Variants in XKR6 observed in about 807,000 individuals in gnomAD.
XKR6 encodes the protein XK related 6.
In XKR6, 22 loss-of-function variants were observed where a neutral mutation model predicts 56.7. The observed-to-expected ratio is 0.39, with a 90% CI of 0.28 to 0.55. The LOEUF is 0.55. Ranked by LOEUF, XKR6 falls within the 20% of genes least tolerant of loss-of-function variation. XKR6 has a pLI of 0.66. For missense variants in XKR6, 852 were observed against 889.0 expected (o/e 0.96, Z 0.53); for synonymous variants, 524 against 387.8 (o/e 1.35, Z -4.13).
In XKR6 at chr8:10,946,884, G is replaced by A. The variant is rs112571542; in HGVS notation, c.765-22054C>T. 5.7e-3 allele frequency among the ~76,000 whole-genome samples: 864 copies of A among 152,258 alleles called. 6 individuals are homozygous for A. Among genetic ancestry groups the A allele is most frequent in the African/African-American group, 0.019 (808 of 41,536 alleles). The stretch of plus-strand genomic sequence containing the variant: ...GCACTGGAGCTGAGTGCTCAAGGAT[G>A]GGGGAGAGTTCACCAAGCAGCTAAG... On this transcript the variant is annotated intron_variant, in intron 1 of 2. Coordinates refer to ENST00000416569, the MANE Select transcript of XKR6 (RefSeq NM_173683.4).
chr8:11,185,033 G>A (rs1177639218), intron 1 of XKR6, among the ~76,000 whole-genome samples: 3 of 152,094 alleles, frequency 2.0e-5, no homozygotes, highest in African/African-American at 7.2e-5. Flanking sequence ...GGGTACCTGG[G>A]TTTCCTCCCA....
At chr8:11,015,735 G>C (rs1024997476) in intron 1 of XKR6, among the ~76,000 whole-genome samples, 1 of 152,064 alleles carries the variant, frequency 6.6e-6, no homozygotes, top group African/African-American at 2.4e-5. Flanking sequence ...GGCGGGCTCG[G>C]GGTAAGACAG....
At position 10,944,875 on chromosome 8, in the gene XKR6, G is replaced by A. The variant is rs151298291; in HGVS notation, c.765-20045C>T. 1.9e-3 allele frequency among the ~76,000 whole-genome samples: 296 copies of A among 152,328 alleles called. 4 individuals are homozygous for A. Among genetic ancestry groups the A allele is most frequent in the Middle Eastern group, 0.017 (5 of 294 alleles). ...ACTCTGACATCAGCTGAACAATGGT[G>A]GTGGGCTCAGGGTGCGTGTCTGAGA... On this transcript the variant is annotated intron_variant, in intron 1 of 2. Transcript: ENST00000416569.
chr8:10,918,926 A>C (rs933502917), intron 2 of XKR6, among the ~76,000 whole-genome samples: 3 of 152,060 alleles, frequency 2.0e-5, no homozygotes, highest in Non-Finnish European at 2.9e-5. Context: ...CACCTGGCCC[A>C]CCACAGCCTC....
At chr8:11,128,756 T>A in intron 1 of XKR6, 1 of 436,422 alleles carries the variant, frequency 2.3e-6, no homozygotes, top group South Asian at 1.6e-5. Flanking sequence ...CTTTCCAACT[T>A]TCTTTCCCTC....
chr8:10,947,062 G>A (rs1476964035), intron 1 of XKR6, among the ~76,000 whole-genome samples: 1 of 152,154 alleles, frequency 6.6e-6, no homozygotes, highest in Non-Finnish European at 1.5e-5. Flanking sequence ...GTGAGGATCG[G>A]ATGACATATC....
intron 1 of XKR6, among the ~76,000 whole-genome samples, chr8:10,993,666 A>C (rs1435305211): frequency 6.6e-6 from 1 of 152,146 alleles, no homozygotes; most frequent in African/African-American, 2.4e-5. Context: ...CCCTGCTCCT[A>C]GCTCACCCGA....
intron 1 of XKR6, among the ~76,000 whole-genome samples, chr8:10,970,701 C>T (rs1357267593): frequency 6.6e-6 from 1 of 150,592 alleles, no homozygotes; most frequent in Non-Finnish European, 1.5e-5. Context: ...TTGTCTGTAA[C>T]ATACATAGAC....
rs1344262319 is a variant in XKR6 at position 10,897,694 on chromosome 8, G to C, written c.*258C>G. On this transcript the variant is annotated 3_prime_UTR_variant, in exon 3 of 3. Transcript: ENST00000416569. Reference sequence around the variant, plus strand: ...TGTTTCTTATGTGTAAAAAACAAAAGAAAGGTTTTCTTTTTGTTTTTACTT... The same window carrying C: ...TGTTTCTTATGTGTAAAAAACAAAACAAAGGTTTTCTTTTTGTTTTTACTT... The C allele has an allele frequency of 1.5e-5, 6 of 387,102 alleles. No individual in the cohort carries two copies. Among genetic ancestry groups the C allele is most frequent in the Non-Finnish European group, 2.7e-5 (6 of 221,360 alleles). The allele number at this position is 387,102 out of a possible 1,614,324, so 24.0% of individuals were successfully genotyped here.
chr8:10,981,441 G>C (rs1563326222), intron 1 of XKR6, among the ~76,000 whole-genome samples: 1 of 152,254 alleles, frequency 6.6e-6, no homozygotes, highest in Non-Finnish European at 1.5e-5. Flanking sequence ...GATTGCGGGT[G>C]AGGAGGACGA....
chr8:11,110,945 T>A (rs888270180), intron 1 of XKR6, among the ~76,000 whole-genome samples: 7 of 150,610 alleles, frequency 4.6e-5, no homozygotes, highest in African/African-American at 1.7e-4. Context: ...CACACCATTC[T>A]CCTGCCACAG....
At chr8:11,028,072 T>A (rs1798910392) in intron 1 of XKR6, among the ~76,000 whole-genome samples, 1 of 152,016 alleles carries the variant, frequency 6.6e-6, no homozygotes, top group Non-Finnish European at 1.5e-5. Context: ...ATTATTAACA[T>A]ACAGAGCAGT....
chr8:11,044,841 A>C (rs1799368809), intron 1 of XKR6, among the ~76,000 whole-genome samples: 1 of 151,816 alleles, frequency 6.6e-6, no homozygotes. Flanking sequence ...GCTGGTCTTG[A>C]ACTCCTGACC....
Position 11,019,164 on chromosome 8 carries a change from A to G in XKR6, c.765-94334T>C, listed in dbSNP as rs1798693065. Among the ~76,000 whole-genome samples the G allele has an allele frequency of 2.0e-5, 3 of 152,126 alleles. No homozygotes were observed. The South Asian group carries it at 6.2e-4, about 32-fold the overall frequency. The stretch of plus-strand genomic sequence containing the variant: ...GGCCTGGGGCCCGTAAAAGACCAAC[A>G]TGTTTCACTCACTTTCCTATCCCTT... On this transcript the variant is annotated intron_variant, in intron 1 of 2. Coordinates refer to ENST00000416569, the MANE Select transcript of XKR6 (RefSeq NM_173683.4).
chr8:11,153,242 C>A (rs1164402613), intron 1 of XKR6, among the ~76,000 whole-genome samples: 2 of 152,076 alleles, frequency 1.3e-5, no homozygotes, highest in Non-Finnish European at 2.9e-5. Context: ...TCCCAATTGA[C>A]CCAAATAAAC....
intron 2 of XKR6, among the ~76,000 whole-genome samples, chr8:10,914,579 T>C (rs1800501224): frequency 6.6e-6 from 1 of 152,192 alleles, no homozygotes; most frequent in Non-Finnish European, 1.5e-5. Context: ...AGGCTACAGC[T>C]GAAATGGGCT....
chr8:11,047,534 T>G (rs921571313), intron 1 of XKR6, among the ~76,000 whole-genome samples: 12 of 152,034 alleles, frequency 7.9e-5, no homozygotes, highest in African/African-American at 2.7e-4. Context: ...AAAGACAAAT[T>G]CCACATGATT....
chr8:11,160,697 C>G (rs1801753854), intron 1 of XKR6, among the ~76,000 whole-genome samples: 1 of 152,058 alleles, frequency 6.6e-6, no homozygotes, highest in African/African-American at 2.4e-5. Context: ...ATCCCGAGGT[C>G]AAGAGATCGA....
chr8:11,040,300 T>C (rs1284908252), intron 1 of XKR6, among the ~76,000 whole-genome samples: 2 of 150,294 alleles, frequency 1.3e-5, no homozygotes, highest in African/African-American at 4.9e-5. Context: ...AGCAGGAGGA[T>C]TGCTTGAGCC....
Sources: gnomAD v4.1 joint callset for allele counts (sites outside exome capture counted in the v4.1 genomes callset) on GRCh38, gnomAD v4.1.1 for gene constraint, MANE v1.5 for transcripts, NCBI Gene and HGNC (gene_info 2026-07-23, HGNC 2026-07-21) for gene names.